The following JPH1 variants were observed in gnomAD, a reference collection of about 807,000 sequenced individuals.
JPH1 encodes the protein junctophilin 1.
A neutral mutation model predicts 53.6 loss-of-function variants in JPH1; 12 were observed. That is an observed-to-expected ratio of 0.22 (90% CI 0.14 to 0.36). JPH1 has a LOEUF of 0.36. Ranked by LOEUF, JPH1 falls within the 10% of genes least tolerant of loss-of-function variation. The probability of loss-of-function intolerance (pLI) is 1.00; values close to 1 mark genes in which losing one functional copy is unlikely to be tolerated. For synonymous variants in JPH1, 375 were observed against 363.8 expected (o/e 1.03, Z -0.35); for missense variants, 808 against 905.5 (o/e 0.89, Z 1.38).
At chr8:74,288,350 G>A (rs1381026706) in intron 2 of JPH1, among the ~76,000 whole-genome samples, 1 of 152,150 alleles carries the variant, frequency 6.6e-6, no homozygotes, top group East Asian at 1.9e-4. Context: ...TCACCCAAGG[G>A]CTGCCTCTGA....
intron 2 of JPH1, among the ~76,000 whole-genome samples, chr8:74,311,086 C>T (rs1037896859): frequency 4.7e-4 from 72 of 152,296 alleles, no homozygotes; most frequent in African/African-American, 9.9e-4. Flanking sequence ...CCACCACACC[C>T]GGCTAATTTT....
At chr8:74,255,014 T>A (rs1303734862) in intron 3 of JPH1, among the ~76,000 whole-genome samples, 1 of 152,164 alleles carries the variant, frequency 6.6e-6, no homozygotes, top group Admixed American at 6.5e-5. Context: ...AAGCTACCAA[T>A]GACTTTCTCC....
At position 74,321,249 on chromosome 8, in the gene JPH1, G is replaced by A. The variant is rs768939570; in HGVS notation, c.39C>T (p.Thr13=). 9.4e-6 allele frequency: 15 copies of A among 1,603,504 alleles called. No individual in the cohort carries two copies. In the South Asian group the frequency reaches 1.7e-4, roughly 18 times the overall value. The change falls in exon 1 of 6, where the codon ACC becomes ACT. Residue 13 remains threonine (T), a synonymous_variant. Coordinates refer to ENST00000342232, the MANE Select transcript of JPH1 (RefSeq NM_020647.4). This position sits in a 1 kb window ranked among gnomAD's most constrained non-coding sequence, Gnocchi z 4.3. ...TGCCCTCCTCCCAGCCGCCGCAGTAGGTGCCGCCATCGTCGAAGTCGAACC... is the reference window on the plus strand; with the variant it reads ...TGCCCTCCTCCCAGCCGCCGCAGTAAGTGCCGCCATCGTCGAAGTCGAACC... ...GGRFDFDDGG[T]YCGGWEEGKA... is the part of the protein sequence containing the mutation.
In JPH1 at chr8:74,315,735, A is replaced by C. The variant is rs1021574313; in HGVS notation, c.380-115T>G. 3.9e-6 allele frequency: 4 copies of C among 1,033,938 alleles called. No individual in the cohort carries two copies. The highest frequency in any genetic ancestry group is 6.7e-5 in the Admixed American group (2 of 29,748). The allele number at this position is 1,033,938 out of a possible 1,614,324, so 64.0% of individuals were successfully genotyped here. On this transcript the variant is annotated intron_variant, in intron 1 of 5. Transcript: ENST00000342232. This position sits in a 1 kb window ranked among gnomAD's most constrained non-coding sequence, Gnocchi z 6.3. ...CAAGGTCAAATCTGACCCATTTCCAAGTCAACCCTGGGGGATACTTTGCAT... is the reference window on the plus strand; with the variant it reads ...CAAGGTCAAATCTGACCCATTTCCACGTCAACCCTGGGGGATACTTTGCAT...
Position 74,296,670 on chromosome 8 carries a change from C to A in JPH1, c.1139+18191G>T, listed in dbSNP as rs560511163. ...TTATAGCTGCTTGATTCAGGGCCTG[C>A]AAATATATCAGCTTGCCTAAAAATT... On this transcript the variant is annotated intron_variant, in intron 2 of 5. Transcript: ENST00000342232. Among the ~76,000 whole-genome samples, 4 of 152,290 alleles carry A rather than the reference C, an allele frequency of 2.6e-5. No homozygotes were observed. In the South Asian group the frequency reaches 8.3e-4, roughly 32 times the overall value.
chr8:74,243,301 C>G (rs1390611697), intron 4 of JPH1, among the ~76,000 whole-genome samples: 1 of 152,192 alleles, frequency 6.6e-6, no homozygotes, highest in Non-Finnish European at 1.5e-5. Flanking sequence ...ACTGAAGAGT[C>G]AGAATCTTAA....
chr8:74,270,249 T>C (rs1434167865), intron 2 of JPH1, among the ~76,000 whole-genome samples: 2 of 152,226 alleles, frequency 1.3e-5, no homozygotes, highest in Non-Finnish European at 2.9e-5. Flanking sequence ...TTCATCCAAC[T>C]CATAGTTGCC....
chr8:74,253,756 T>C (rs1806137105), intron 3 of JPH1, among the ~76,000 whole-genome samples: 1 of 152,058 alleles, frequency 6.6e-6, no homozygotes, highest in African/African-American at 2.4e-5. Flanking sequence ...CAGAGAATAC[T>C]ATAAACACCT....
In JPH1 at chr8:74,315,541, C is replaced by G. The variant is rs267601993; in HGVS notation, c.459G>C (p.Thr153=). The G allele has an allele frequency of 5.6e-6, 9 of 1,605,996 alleles. No homozygotes were observed. The highest frequency in any genetic ancestry group is 2.2e-5 in the East Asian group (1 of 44,750). The change falls in exon 2 of 6, where the codon ACG becomes ACC. Residue 153 remains threonine (T), a synonymous_variant. Coordinates refer to ENST00000342232, the MANE Select transcript of JPH1 (RefSeq NM_020647.4). The surrounding 1 kb of genome is among the most constrained non-coding windows in gnomAD (Gnocchi z 6.3). The stretch of plus-strand genomic sequence containing the variant: ...AGGTACGCAGCGGTGAGCGGATCAC[C>G]GTGGCCATGCCGTAGGGCACGCTCT... The part of the protein sequence containing the change: ...VRQSVPYGMA[T]VIRSPLRTSL...
chr8:74,291,111 A>C (rs1275591053), intron 2 of JPH1, among the ~76,000 whole-genome samples: 3 of 152,218 alleles, frequency 2.0e-5, no homozygotes, highest in East Asian at 3.8e-4. Context: ...CAATGGCAAC[A>C]AAAGCCAAAA....
intron 3 of JPH1, among the ~76,000 whole-genome samples, chr8:74,254,032 A>G (rs1482170090): frequency 6.6e-6 from 1 of 152,122 alleles, no homozygotes; most frequent in Non-Finnish European, 1.5e-5. Context: ...AATCCTCCCT[A>G]ACTCATTTTA....
chr8:74,292,157 T>C (rs1807347451), intron 2 of JPH1, among the ~76,000 whole-genome samples: 1 of 152,178 alleles, frequency 6.6e-6, no homozygotes. Flanking sequence ...ACATGTACCC[T>C]AGAACTTAAA....
At chr8:74,243,727 T>A (rs1268587674) in intron 4 of JPH1, among the ~76,000 whole-genome samples, 2 of 152,216 alleles carry the variant, frequency 1.3e-5, no homozygotes, top group African/African-American at 4.8e-5. Flanking sequence ...ATTTTATAAA[T>A]ACTATAGCAT....
intron 2 of JPH1, among the ~76,000 whole-genome samples, chr8:74,272,705 G>T (rs572334953): frequency 8.0e-5 from 12 of 149,304 alleles, no homozygotes; most frequent in Non-Finnish European, 1.2e-4. Context: ...CCGGGTTCAC[G>T]CCATTCTCCT....
intron 2 of JPH1, among the ~76,000 whole-genome samples, chr8:74,274,428 T>C (rs966746509): frequency 2.0e-5 from 3 of 152,352 alleles, no homozygotes; most frequent in East Asian, 1.9e-4. Flanking sequence ...ATACATTTAC[T>C]GAGAGAAGCT....
At chr8:74,285,239 G>A (rs1251191118) in intron 2 of JPH1, among the ~76,000 whole-genome samples, 1 of 151,822 alleles carries the variant, frequency 6.6e-6, no homozygotes, top group Non-Finnish European at 1.5e-5. Flanking sequence ...GCTATTAACT[G>A]CACATACACA....
At chr8:74,273,632 A>G (rs948096773) in intron 2 of JPH1, among the ~76,000 whole-genome samples, 3 of 152,206 alleles carry the variant, frequency 2.0e-5, no homozygotes, top group African/African-American at 7.2e-5. Flanking sequence ...TTACAGGGCT[A>G]TTATGTAATT....
chr8:74,315,669 C>T lies in JPH1; in HGVS notation c.380-49G>A. The T allele has an allele frequency of 6.5e-7, 1 of 1,527,534 alleles. No individual in the cohort carries two copies. The allele number at this position is 1,527,534 out of a possible 1,614,324, so 94.6% of individuals were successfully genotyped here. Reference sequence around the variant, plus strand: ...CCGTGAGTCGGGGGCAGAGCTGCACCGTCACCTGCACCATCCAGCGCACAC... The same window carrying T: ...CCGTGAGTCGGGGGCAGAGCTGCACTGTCACCTGCACCATCCAGCGCACAC... On this transcript the variant is annotated intron_variant, in intron 1 of 5. Coordinates refer to ENST00000342232, the MANE Select transcript of JPH1 (RefSeq NM_020647.4). The surrounding 1 kb of genome is among the most constrained non-coding windows in gnomAD (Gnocchi z 6.3).
intron 2 of JPH1, among the ~76,000 whole-genome samples, chr8:74,306,912 A>C (rs1807853533): frequency 6.6e-6 from 1 of 152,168 alleles, no homozygotes. Context: ...TAACATACTT[A>C]ATATAAAGGT....
Sources: allele counts gnomAD v4.1 joint callset (sites outside exome capture counted in the v4.1 genomes callset), GRCh38; gene constraint gnomAD v4.1.1; non-coding constraint Gnocchi (gnomAD v3.1); transcripts MANE v1.5; gene names NCBI Gene and HGNC (gene_info 2026-07-23, HGNC 2026-07-21).